The following NUP62CL variants were observed in gnomAD, a reference collection of about 807,000 sequenced individuals.
NUP62CL encodes nucleoporin-62 C-terminal-like protein.
NUP62CL carries 13 observed loss-of-function variants against 15.3 expected under a neutral mutation model. That is an observed-to-expected ratio of 0.85 (90% confidence interval 0.55 to 1.35). NUP62CL has a LOEUF of 1.35. Among genes scored for constraint, NUP62CL ranks in the 40% most tolerant of loss-of-function variants. The pLI, the probability that NUP62CL is intolerant of heterozygous loss-of-function variation, is 0.00. For missense variants in NUP62CL, 123 were observed against 130.6 expected, an observed-to-expected ratio of 0.94 and a Z score of 0.28; for synonymous variants, 54 against 49.2, an observed-to-expected ratio of 1.10 and a Z score of -0.41.
chrX:107,198,114 A>C (rs1181283003), intron 1 of NUP62CL, among the ~76,000 whole-genome samples: 1 of 111,846 alleles, frequency 8.9e-6, no homozygotes, highest in African/African-American at 3.3e-5. Flanking sequence ...TAAATGCACC[A>C]ATCAGCACTC....
chrX:107,129,785 A>G (rs926506226), intron 8 of NUP62CL, among the ~76,000 whole-genome samples: 4 of 112,389 alleles, frequency 3.6e-5, no homozygotes, highest in African/African-American at 3.2e-5. Context: ...AGACTGAAAC[A>G]AAACAGAAAT....
intron 1 of NUP62CL, among the ~76,000 whole-genome samples, chrX:107,204,766 TAAATTATTTAAATA>T (rs1927590310): frequency 1.2e-5 from 1 of 84,591 alleles, no homozygotes. Context: ...AAATTTTAAA[TAAATTATTTAAATA>T]AATTTTAAAT....
chrX:107,170,292 G>A (rs374872684), intron 3 of NUP62CL, among the ~76,000 whole-genome samples: 6 of 110,938 alleles, frequency 5.4e-5, no homozygotes, highest in African/African-American at 2.0e-4. Context: ...TGTCTAAAAA[G>A]ATAAACTGTT....
chrX:107,167,691 G>A lies in NUP62CL; in HGVS notation c.152C>T (p.Ser51Leu). 8.3e-7 allele frequency: 1 copy of A among 1,209,327 alleles called. No individual in the cohort carries two copies. The highest frequency in any genetic ancestry group is 1.1e-6 in the Non-Finnish European group (1 of 893,725). ...GFTVNQNQLL[S>L]RGFENLVPYT... ...AGGTACAAGGTTTTCAAACCCTCTT[G>A]ATAACAGTTGGTTTTGGTTCACAGT... is the stretch of plus-strand genomic sequence containing the variant. The change falls in exon 4 of 9, where the codon TCA becomes TTA. Residue 51 changes from serine (S) to leucine (L), a missense_variant. Ser to Leu is a moderately radical substitution (Grantham distance 145). Coordinates refer to ENST00000372466, the MANE Select transcript of NUP62CL (RefSeq NM_017681.3).
intron 2 of NUP62CL, among the ~76,000 whole-genome samples, chrX:107,178,384 A>G (rs898369536): frequency 8.9e-6 from 1 of 112,413 alleles, no homozygotes; most frequent in African/African-American, 3.2e-5. Flanking sequence ...GCCTCTTTAA[A>G]AAGAAAACTA....
intron 3 of NUP62CL, among the ~76,000 whole-genome samples, chrX:107,168,184 A>G (rs1926560600): frequency 8.9e-6 from 1 of 112,052 alleles, no homozygotes; most frequent in Non-Finnish European, 1.9e-5. Flanking sequence ...GCATATTTAC[A>G]TGACTGTATC....
Position 107,174,068 on chromosome X carries a change from CCTCTCTCT to C in NUP62CL, c.58+1013_58+1020del, listed in dbSNP as rs756292893. 6.0e-5 allele frequency among the ~76,000 whole-genome samples: 4 copies of C among 66,438 alleles called. No homozygotes were observed. In the East Asian group the frequency reaches 1.6e-3, roughly 27 times the overall value. 57.7% of individuals were successfully genotyped at this position (66,438 alleles called of 115,157 possible). A position where few individuals can be genotyped will look rare whatever the true frequency, so the allele number is the denominator to read the frequency against. Reference sequence around the variant, plus strand: ...CTCTCTCTCTCTCCCTCCCTCCCTCCCTCTCTCTCTCTCCCTCCCTCCCTTTCTCTCTC... The same window carrying C: ...CTCTCTCTCTCTCCCTCCCTCCCTCCCTCTCCCTCCCTCCCTTTCTCTCTC... On this transcript the variant is annotated intron_variant, in intron 3 of 8. Transcript: ENST00000372466.
At position 107,153,325 on chromosome X, in the gene NUP62CL, T is replaced by C; in HGVS notation, c.396-19A>G. The C allele has an allele frequency of 2.5e-6, 3 of 1,188,532 alleles. No individual in the cohort carries two copies. The highest frequency in any genetic ancestry group is 3.4e-6 in the Non-Finnish European group (3 of 883,519). ...TTCCAATCTGAATAAAATAAGTTAA[T>C]AAAAAGGCTGATGAAAGGAATTTGG... On this transcript the variant is annotated intron_variant, in intron 6 of 8. Transcript: ENST00000372466.
chrX:107,123,562 T>A lies in NUP62CL; in HGVS notation c.*813A>T, dbSNP rs1186125519. On this transcript the variant is annotated 3_prime_UTR_variant, in exon 9 of 9. Transcript: ENST00000372466. ...GTTCCAAACCTAAGAACAAGGCTTA[T>A]TTAAAACAAAACAAAACAAACAAAC... 1 of 110,372 alleles carries A rather than the reference T, an allele frequency of 9.1e-6. No homozygotes were observed. Among genetic ancestry groups the A allele is most frequent in the African/African-American group, 3.3e-5 (1 of 30,331 alleles). 9.1% of individuals were successfully genotyped at this position (110,372 alleles called of 1,213,427 possible).
chrX:107,168,950 T>C (rs1926579465), intron 3 of NUP62CL, among the ~76,000 whole-genome samples: 1 of 111,869 alleles, frequency 8.9e-6, no homozygotes, highest in African/African-American at 3.3e-5. Context: ...GATAACTCTG[T>C]CCTTTTTGTT....
At chrX:107,192,969 AATAAACCCT>A (rs1208464538) in intron 2 of NUP62CL, 51 bp downstream of exon 2, 1 of 111,547 alleles carries the variant, frequency 9.0e-6, no homozygotes, top group Non-Finnish European at 1.9e-5. Context: ...ATGTAGAGAA[AATAAACCCT>A]GTAGTGGAAG....
rs1925340872 is a variant in NUP62CL at position 107,124,414 on chromosome X, T to C, written c.*43-82A>G. ...TAATTTACGTATTCCTTTCAACACA[T>C]GATTAACAAAATTTTACATAGCAAT... On this transcript the variant is annotated intron_variant, in intron 8 of 8. Coordinates refer to ENST00000372466, the MANE Select transcript of NUP62CL (RefSeq NM_017681.3). 1.6e-5 allele frequency: 5 copies of C among 313,218 alleles called. No individual in the cohort carries two copies. In the Admixed American group the frequency reaches 2.1e-4, roughly 13 times the overall value. 25.8% of individuals were successfully genotyped at this position (313,218 alleles called of 1,213,427 possible).
At chrX:107,166,390 A>G (rs190071514) in intron 4 of NUP62CL, among the ~76,000 whole-genome samples, 1 of 112,217 alleles carries the variant, frequency 8.9e-6, no homozygotes, top group Non-Finnish European at 1.9e-5. Flanking sequence ...GAAGGGCTCA[A>G]ATAAAAAGTA....
intron 1 of NUP62CL, among the ~76,000 whole-genome samples, chrX:107,198,402 C>T (rs554928938): frequency 8.9e-6 from 1 of 111,750 alleles, no homozygotes; most frequent in South Asian, 3.8e-4. Context: ...AGCAGCAACC[C>T]ACTCGAGTCC....
At chrX:107,171,734 A>T (rs1195734435) in intron 3 of NUP62CL, among the ~76,000 whole-genome samples, 1 of 111,196 alleles carries the variant, frequency 9.0e-6, no homozygotes, top group Non-Finnish European at 1.9e-5. Context: ...TCATGGTGCT[A>T]AGGGATGGGC....
chrX:107,191,680 C>A (rs1442425541), intron 2 of NUP62CL, among the ~76,000 whole-genome samples: 3 of 108,677 alleles, frequency 2.8e-5, no homozygotes, highest in Non-Finnish European at 5.7e-5. Context: ...TGCAATCCAG[C>A]CTGGCGACAG....
At chrX:107,134,579 T>C (rs1220851931) in intron 8 of NUP62CL, among the ~76,000 whole-genome samples, 1 of 110,780 alleles carries the variant, frequency 9.0e-6, no homozygotes, top group Admixed American at 9.5e-5. Context: ...TCAGCCTCCC[T>C]AGTGGCTGGG....
intron 8 of NUP62CL, chrX:107,131,885 C>A: frequency 9.9e-7 from 1 of 1,006,769 alleles, no homozygotes; most frequent in Admixed American, 2.2e-5. Flanking sequence ...CATGCTGATA[C>A]AGAAGGCAAT....
intron 4 of NUP62CL, among the ~76,000 whole-genome samples, chrX:107,155,960 T>G (rs1926172118): frequency 8.9e-6 from 1 of 112,298 alleles, no homozygotes; most frequent in Non-Finnish European, 1.9e-5. Flanking sequence ...AGGCATTCCC[T>G]CACCTGGGAA....
Sources: gnomAD v4.1 joint callset for allele counts (sites outside exome capture counted in the v4.1 genomes callset) on GRCh38, gnomAD v4.1.1 for gene constraint, MANE v1.5 for transcripts, NCBI Gene and HGNC (gene_info 2026-07-23, HGNC 2026-07-21) for gene names.